The following FAT3 variants were observed in gnomAD, a reference collection of about 807,000 sequenced individuals.
FAT3 encodes the protein FAT atypical cadherin 3, also known as protocadherin Fat 3.
Under a neutral mutation model 310.2 loss-of-function variants are expected in FAT3, and 95 were observed. The observed-to-expected ratio is 0.31, with a 90% CI of 0.26 to 0.36. The LOEUF (loss-of-function observed/expected upper bound fraction) is 0.36, where lower values mean the gene tolerates loss of function less well. FAT3 is among the 10% of genes least tolerant of loss of function. FAT3 has a pLI of 1.00. For missense variants in FAT3, 5,408 were observed against 5,715.6 expected (o/e 0.95, Z 1.74); for synonymous variants, 2,314 against 2,192.9 (o/e 1.06, Z -1.54).
At chr11:92,445,208 A>T (rs1951181619) in intron 2 of FAT3, among the ~76,000 whole-genome samples, 1 of 152,244 alleles carries the variant, frequency 6.6e-6, no homozygotes, top group Non-Finnish European at 1.5e-5. Context: ...CAGCCTAAGC[A>T]AACTAATACA....
Position 92,867,220 on chromosome 11 carries a change from C to T in FAT3, c.12127+11C>T. ...GCCTGCCATCGGGGGGTGAGTGTGG[C>T]TACGCAGTGGGCACTGGCCTGGGGG... On this transcript the variant is annotated intron_variant, in intron 22 of 27. Coordinates refer to ENST00000525166, the MANE Select transcript of FAT3 (RefSeq NM_001367949.2). 6.4e-7 allele frequency: 1 copy of T among 1,551,514 alleles called. No homozygotes were observed. Among genetic ancestry groups the T allele is most frequent in the Non-Finnish European group, 8.7e-7 (1 of 1,153,876 alleles).
chr11:92,474,720 G>C (rs1400580374), intron 2 of FAT3, among the ~76,000 whole-genome samples: 1 of 152,156 alleles, frequency 6.6e-6, no homozygotes, highest in East Asian at 1.9e-4. Flanking sequence ...GGTGGAGTGG[G>C]AGTTACCAAG....
At position 92,759,851 on chromosome 11, in the gene FAT3, G is replaced by A. The variant is rs1348129986; in HGVS notation, c.3670-2005G>A. On this transcript the variant is annotated intron_variant, in intron 4 of 27. Transcript: ENST00000525166. ...CTGGCAGCCACCTGTCCCTGAAGCA[G>A]CTCCAGAACACTGTCTCAGAGCCCA... Among the ~76,000 whole-genome samples, 3 of 152,126 alleles carry A rather than the reference G, an allele frequency of 2.0e-5. No individual in the cohort carries two copies. In the East Asian group the frequency reaches 5.8e-4, roughly 29 times the overall value.
intron 21 of FAT3, 48 bp downstream of exon 21, chr11:92,859,370 GT>G (rs35216054): frequency 0.38 from 548,740 of 1,437,162 alleles, 108,246 homozygotes; most frequent in South Asian, 0.49. Context: ...TCATGTTAGT[GT>G]TTTGGCTCTT....
Position 92,825,950 on chromosome 11 carries a change from G to T in FAT3, c.9482-5672G>T, listed in dbSNP as rs567587878. 7.9e-5 allele frequency among the ~76,000 whole-genome samples: 12 copies of T among 152,272 alleles called. No individual in the cohort carries two copies. In the South Asian group the frequency reaches 2.5e-3, roughly 32 times the overall value. On this transcript the variant is annotated intron_variant, in intron 13 of 27. Coordinates refer to ENST00000525166, the MANE Select transcript of FAT3 (RefSeq NM_001367949.2). Reference sequence around the variant, plus strand: ...CCAATTTATGTGAGAGAGGAAGTTAGAAGGTGACATGCAGAAAAGTAAACC... The same window carrying T: ...CCAATTTATGTGAGAGAGGAAGTTATAAGGTGACATGCAGAAAAGTAAACC...
chr11:92,680,189 A>C (rs2135854554), intron 3 of FAT3, among the ~76,000 whole-genome samples: 1 of 152,006 alleles, frequency 6.6e-6, no homozygotes, highest in South Asian at 2.1e-4. Context: ...GCCTCAACCA[A>C]TACCCAGAAG....
chr11:92,343,366 C>T (rs760982833), intron 1 of FAT3, among the ~76,000 whole-genome samples: 4 of 151,952 alleles, frequency 2.6e-5, no homozygotes, highest in Non-Finnish European at 4.4e-5. Context: ...GATATCATAT[C>T]CCTGTAAATA....
chr11:92,468,386 A>T (rs994768779), intron 2 of FAT3, among the ~76,000 whole-genome samples: 4 of 152,194 alleles, frequency 2.6e-5, no homozygotes, highest in African/African-American at 9.6e-5. Flanking sequence ...AATAAACTTG[A>T]TGGAAGAAGC....
chr11:92,272,938 C>A (rs1373538867), intron 1 of FAT3, among the ~76,000 whole-genome samples: 2 of 152,220 alleles, frequency 1.3e-5, no homozygotes, highest in South Asian at 4.2e-4. Flanking sequence ...TGTCTGTCAA[C>A]AGGGAAACTG....
intron 2 of FAT3, among the ~76,000 whole-genome samples, chr11:92,509,684 A>C (rs1428960844): frequency 6.6e-6 from 1 of 152,196 alleles, no homozygotes; most frequent in Non-Finnish European, 1.5e-5. Context: ...TAAAGTTATT[A>C]ATGCGGAAAG....
At chr11:92,686,506 G>GT (rs1943638103) in intron 3 of FAT3, among the ~76,000 whole-genome samples, 1 of 152,106 alleles carries the variant, frequency 6.6e-6, no homozygotes, top group Non-Finnish European at 1.5e-5. Context: ...CTTTGGAACT[G>GT]TTATATATTC....
chr11:92,520,803 A>C (rs1160129642), intron 2 of FAT3, among the ~76,000 whole-genome samples: 2 of 152,108 alleles, frequency 1.3e-5, no homozygotes, highest in African/African-American at 4.8e-5. Flanking sequence ...TGGATCATAA[A>C]ATTGACATCT....
intron 3 of FAT3, among the ~76,000 whole-genome samples, chr11:92,566,516 C>T (rs1479284584): frequency 6.6e-6 from 1 of 151,008 alleles, no homozygotes; most frequent in African/African-American, 2.5e-5. Flanking sequence ...TGACTTTCTT[C>T]ACAGAATTGG....
At chr11:92,683,072 T>TTAAAAAAAAAAA (rs1209302173) in intron 3 of FAT3, among the ~76,000 whole-genome samples, 11 of 114,848 alleles carry the variant, frequency 9.6e-5, no homozygotes, top group South Asian at 2.6e-4. Flanking sequence ...AGCAAGACTC[T>TTAAAAAAAAAAA]AAAAAAAAAA....
intron 1 of FAT3, among the ~76,000 whole-genome samples, chr11:92,288,044 G>T (rs1946601626): frequency 6.6e-6 from 1 of 152,048 alleles, no homozygotes; most frequent in African/African-American, 2.4e-5. Context: ...TGGGAAATAA[G>T]ATAAATTGTG....
At chr11:92,486,036 TGTA>T (rs1952372726) in intron 2 of FAT3, among the ~76,000 whole-genome samples, 1 of 151,488 alleles carries the variant, frequency 6.6e-6, no homozygotes, top group Admixed American at 6.6e-5. Flanking sequence ...AGGTTGGCAC[TGTA>T]CACTATAGGT....
chr11:92,875,146 G>A (rs1212498689), intron 22 of FAT3, among the ~76,000 whole-genome samples: 1 of 148,630 alleles, frequency 6.7e-6, no homozygotes, highest in Non-Finnish European at 1.5e-5. Context: ...CTGAACAATA[G>A]ATATCACTCT....
chr11:92,394,834 G>T (rs1313719417), intron 2 of FAT3, among the ~76,000 whole-genome samples: 1 of 152,178 alleles, frequency 6.6e-6, no homozygotes, highest in Non-Finnish European at 1.5e-5. Flanking sequence ...TTATACAGAT[G>T]AAGGCTATTG....
intron 2 of FAT3, among the ~76,000 whole-genome samples, chr11:92,459,296 T>G (rs1158391191): frequency 6.6e-6 from 1 of 152,176 alleles, no homozygotes; most frequent in African/African-American, 2.4e-5. Flanking sequence ...ATGCATCCTC[T>G]TACCTGCGGG....
Sources: gnomAD v4.1 joint callset for allele counts (sites outside exome capture counted in the v4.1 genomes callset) on GRCh38, gnomAD v4.1.1 for gene constraint, MANE v1.5 for transcripts, NCBI Gene and HGNC (gene_info 2026-07-23, HGNC 2026-07-21) for gene names.